PTPRJ: variants seen among roughly 807,000 people sequenced by gnomAD.
PTPRJ encodes the protein protein tyrosine phosphatase receptor type J.
PTPRJ carries 129 observed loss-of-function variants against 141.3 expected under a neutral mutation model. That is an observed-to-expected ratio of 0.91 (90% CI 0.79 to 1.06). PTPRJ has a LOEUF of 1.06. PTPRJ is among the 50% of genes least tolerant of loss of function. PTPRJ has a pLI of 0.00. For missense variants in PTPRJ, 1,601 were observed against 1,679.7 expected (o/e 0.95, Z 0.82); for synonymous variants, 610 against 640.5 (o/e 0.95, Z 0.72).
chr11:48,055,255 C>T (rs1382260791), intron 1 of PTPRJ, among the ~76,000 whole-genome samples: 1 of 152,078 alleles, frequency 6.6e-6, no homozygotes, highest in African/African-American at 2.4e-5. Context: ...AAAAGATGAC[C>T]CTCCAAAGTG....
intron 13 of PTPRJ, 31 bp from the exon 14 acceptor site, chr11:48,144,969 G>A: frequency 6.2e-7 from 1 of 1,614,112 alleles, no homozygotes; most frequent in South Asian, 1.1e-5. Flanking sequence ...CACGTCTCAG[G>A]GACCTCTTTT....
intron 1 of PTPRJ, among the ~76,000 whole-genome samples, chr11:48,088,420 G>A (rs1855771972): frequency 6.6e-6 from 1 of 152,186 alleles, no homozygotes; most frequent in Non-Finnish European, 1.5e-5. Context: ...GAGTGGCCCT[G>A]GCCTAAGCTG....
chr11:48,153,661 G>A (rs1357816987), intron 18 of PTPRJ, 135 bp from the exon 19 acceptor site: 1 of 618,916 alleles, frequency 1.6e-6, no homozygotes, highest in East Asian at 2.8e-5. Context: ...AATAGCAGAA[G>A]GGTAAATTTC....
chr11:48,112,706 G>T (rs747390229), intron 2 of PTPRJ, 41 bp from the exon 3 acceptor site: 19 of 1,463,382 alleles, frequency 1.3e-5, no homozygotes, highest in Non-Finnish European at 1.5e-5. Flanking sequence ...GTCTCCTGGA[G>T]AAATATATTT....
intron 1 of PTPRJ, among the ~76,000 whole-genome samples, chr11:48,074,651 A>G (rs962513802): frequency 6.6e-6 from 1 of 152,160 alleles, no homozygotes; most frequent in Non-Finnish European, 1.5e-5. Flanking sequence ...TACTGATGCA[A>G]TTTGGGTGAA....
At chr11:47,989,619 A>T (rs2134177197) in intron 1 of PTPRJ, among the ~76,000 whole-genome samples, 1 of 152,210 alleles carries the variant, frequency 6.6e-6, no homozygotes, top group South Asian at 2.1e-4. Context: ...CATTAAAAAA[A>T]AAAAATCTAT....
intron 1 of PTPRJ, among the ~76,000 whole-genome samples, chr11:48,107,185 G>C (rs1404315134): frequency 1.3e-5 from 2 of 151,944 alleles, no homozygotes; most frequent in Non-Finnish European, 2.9e-5. Flanking sequence ...TTTTCTCTGA[G>C]GCCTGGAGGA....
Position 48,155,887 on chromosome 11 carries a change from A to G in PTPRJ, c.3303+13A>G. The G allele has an allele frequency of 6.3e-7, 1 of 1,596,068 alleles. No homozygotes were observed. Among genetic ancestry groups the G allele is most frequent in the South Asian group, 1.1e-5 (1 of 90,558 alleles). On this transcript the variant is annotated intron_variant, in intron 20 of 24. Coordinates refer to ENST00000418331, the MANE Select transcript of PTPRJ (RefSeq NM_002843.4). ...CAACTACATGCCTGTAAGTTGGGGG[A>G]CGGTCTCACAGCACTGGACTGTTTC...
In PTPRJ at chr11:47,980,665, C is replaced by A. The variant is rs1853872851; in HGVS notation, c.-248C>A. ...GCGCCGCTCGCTCCGCCCCGCGAAGCCCCTGCGCGCTCAGGGACGCGGCCC... is the reference window on the plus strand; with the variant it reads ...GCGCCGCTCGCTCCGCCCCGCGAAGACCCTGCGCGCTCAGGGACGCGGCCC... On this transcript the variant is annotated 5_prime_UTR_variant, in exon 1 of 25. Coordinates refer to ENST00000418331, the MANE Select transcript of PTPRJ (RefSeq NM_002843.4). The A allele has an allele frequency of 6.1e-6, 6 of 986,586 alleles. No individual in the cohort carries two copies. The highest frequency in any genetic ancestry group is 7.2e-6 in the Non-Finnish European group (6 of 831,952). 61.1% of individuals were successfully genotyped at this position (986,586 alleles called of 1,614,324 possible).
At chr11:47,994,013 G>T (rs142012245) in intron 1 of PTPRJ, among the ~76,000 whole-genome samples, 1 of 151,410 alleles carries the variant, frequency 6.6e-6, no homozygotes, top group Non-Finnish European at 1.5e-5. Context: ...TGTGCAGGCC[G>T]CCACACCCGG....
intron 1 of PTPRJ, among the ~76,000 whole-genome samples, chr11:48,090,837 T>C (rs1020891985): frequency 1.3e-5 from 2 of 152,148 alleles, no homozygotes; most frequent in Admixed American, 6.5e-5. Context: ...CGCCTGGTCC[T>C]GTGGCCAGCA....
At chr11:48,091,273 A>G (rs569576481) in intron 1 of PTPRJ, among the ~76,000 whole-genome samples, 4 of 152,254 alleles carry the variant, frequency 2.6e-5, no homozygotes, top group African/African-American at 9.6e-5. Flanking sequence ...CATCCCTTAT[A>G]TCACAGGAAT....
intron 1 of PTPRJ, among the ~76,000 whole-genome samples, chr11:48,095,543 T>C (rs1855979871): frequency 6.6e-6 from 1 of 151,812 alleles, no homozygotes; most frequent in African/African-American, 2.4e-5. Context: ...GTGCACCTTA[T>C]GGGTATAGCC....
At chr11:48,001,730 C>T (rs765628579) in intron 1 of PTPRJ, among the ~76,000 whole-genome samples, 2 of 152,144 alleles carry the variant, frequency 1.3e-5, no homozygotes, top group Non-Finnish European at 2.9e-5. Context: ...AGAAGCTAAG[C>T]AACCAGCCTG....
intron 1 of PTPRJ, among the ~76,000 whole-genome samples, chr11:48,095,272 G>GA (rs1233011558): frequency 2.6e-5 from 4 of 152,340 alleles, no homozygotes; most frequent in South Asian, 4.1e-4. Context: ...TGTTTTATTA[G>GA]ATGGCAAAGA....
chr11:48,123,967 A>G, intron 5 of PTPRJ, 97 bp downstream of exon 5: 1 of 1,345,580 alleles, frequency 7.4e-7, no homozygotes. Context: ...GTGTATGGAG[A>G]TTTAGAATTT....
At chr11:48,075,939 G>A (rs1180268468) in intron 1 of PTPRJ, among the ~76,000 whole-genome samples, 1 of 152,152 alleles carries the variant, frequency 6.6e-6, no homozygotes, top group East Asian at 1.9e-4. Context: ...CTCCTGCATG[G>A]AGTGTTCTTC....
intron 1 of PTPRJ, among the ~76,000 whole-genome samples, chr11:48,011,734 T>C (rs189509659): frequency 9.7e-4 from 148 of 152,262 alleles, no homozygotes; most frequent in African/African-American, 3.3e-3. Context: ...ACACCTCACT[T>C]ACTGCAGCCT....
At chr11:48,000,805 C>T (rs1590393914) in intron 1 of PTPRJ, among the ~76,000 whole-genome samples, 1 of 152,150 alleles carries the variant, frequency 6.6e-6, no homozygotes, top group East Asian at 1.9e-4. Context: ...CTCCCCACCT[C>T]TTGGATTATG....
Sources: gnomAD v4.1 joint callset for allele counts (sites outside exome capture counted in the v4.1 genomes callset) on GRCh38, gnomAD v4.1.1 for gene constraint, MANE v1.5 for transcripts, NCBI Gene and HGNC (gene_info 2026-07-23, HGNC 2026-07-21) for gene names.